Variants in TRIQK observed in about 807,000 individuals in gnomAD.
The protein encoded by TRIQK is triple QxxK/R motif-containing protein.
In TRIQK, 10 loss-of-function variants were observed where a neutral mutation model predicts 10.8. That is an observed-to-expected ratio of 0.92 (90% CI 0.57 to 1.57). The LOEUF is 1.57. Ranked by LOEUF, TRIQK falls within the 40% of genes most tolerant of loss-of-function variation. TRIQK has a pLI of 0.00. For missense variants in TRIQK, 107 were observed against 97.7 expected (o/e 1.09, Z -0.40); for synonymous variants, 33 against 33.7 (o/e 0.98, Z 0.07).
At chr8:92,986,076 A>G (rs1586522959) in intron 1 of TRIQK, among the ~76,000 whole-genome samples, 1 of 152,152 alleles carries the variant, frequency 6.6e-6, no homozygotes, top group African/African-American at 2.4e-5. Flanking sequence ...AATCACAGGG[A>G]GGCACCAGTT....
chr8:92,988,134 C>A (rs1286222165), intron 1 of TRIQK, among the ~76,000 whole-genome samples: 2 of 150,978 alleles, frequency 1.3e-5, no homozygotes, highest in East Asian at 3.9e-4. Context: ...CCTCAGCCTC[C>A]TGAGTAGCTG....
At position 92,971,809 on chromosome 8, in the gene TRIQK, T is replaced by A. The variant is rs146160752; in HGVS notation, c.-180-17245A>T. 3.1e-3 allele frequency among the ~76,000 whole-genome samples: 477 copies of A among 152,306 alleles called. 3 individuals carry two copies. Among genetic ancestry groups the A allele is most frequent in the African/African-American group, 0.011 (459 of 41,578 alleles). ...TTAGAGAAAACTACTGTAAAGTTTA[T>A]ATGGAACCAAAAAAGAGCTCATATA... On this transcript the variant is annotated intron_variant, in intron 1 of 4. Transcript: ENST00000520686.
intron 1 of TRIQK, among the ~76,000 whole-genome samples, chr8:93,001,844 C>T (rs1190695828): frequency 6.6e-6 from 1 of 152,170 alleles, no homozygotes; most frequent in Non-Finnish European, 1.5e-5. Flanking sequence ...TTCTTCTCAA[C>T]TACTTATGGG....
In TRIQK at chr8:92,886,034, C is replaced by T. The variant is rs564597365; in HGVS notation, c.*588G>A. 1 of 151,784 alleles carries T rather than the reference C, an allele frequency of 6.6e-6. No homozygotes were observed. Among genetic ancestry groups the T allele is most frequent in the South Asian group, 2.1e-4 (1 of 4,826 alleles). 9.4% of individuals were successfully genotyped at this position (151,784 alleles called of 1,614,324 possible). ...TTAGAGACATATGTGACTCTTTGAG[C>T]TTCTGTCATCCAGGTGCCATTTCTG... On this transcript the variant is annotated 3_prime_UTR_variant, in exon 5 of 5. Coordinates refer to ENST00000521988, the MANE Select transcript of TRIQK (RefSeq NM_001171797.2).
At chr8:92,936,319 CATTAG>C (rs1810986143) in intron 2 of TRIQK, among the ~76,000 whole-genome samples, 1 of 151,572 alleles carries the variant, frequency 6.6e-6, no homozygotes, top group Admixed American at 6.6e-5. Context: ...GGCAATTTAA[CATTAG>C]ATATTATCTT....
At chr8:93,016,201 C>T (rs1478244576) in intron 1 of TRIQK, among the ~76,000 whole-genome samples, 1 of 152,102 alleles carries the variant, frequency 6.6e-6, no homozygotes, top group Non-Finnish European at 1.5e-5. Context: ...AGAGTAGTGT[C>T]ATCACAATAA....
At chr8:92,906,966 C>CTGGAGGATATA (rs1383043095) in intron 3 of TRIQK, among the ~76,000 whole-genome samples, 1 of 151,870 alleles carries the variant, frequency 6.6e-6, no homozygotes, top group Non-Finnish European at 1.5e-5. Flanking sequence ...GTTTGGGTAG[C>CTGGAGGATATA]TGTGGAGGAT....
chr8:92,991,389 G>C (rs1415620421), intron 1 of TRIQK, among the ~76,000 whole-genome samples: 2 of 152,218 alleles, frequency 1.3e-5, no homozygotes, highest in African/African-American at 4.8e-5. Flanking sequence ...TCCCAGTACA[G>C]TGCTTGAGCT....
intron 2 of TRIQK, among the ~76,000 whole-genome samples, chr8:92,951,231 A>C (rs1811886531): frequency 1.3e-5 from 2 of 152,110 alleles, no homozygotes; most frequent in South Asian, 4.1e-4. Flanking sequence ...TTACTAAAAA[A>C]ATCTATGATC....
chr8:92,963,247 C>T (rs1381092881), intron 1 of TRIQK, among the ~76,000 whole-genome samples: 2 of 152,228 alleles, frequency 1.3e-5, no homozygotes, highest in South Asian at 2.1e-4. Context: ...AGCTCTTTAC[C>T]TCTTCAAGTT....
intron 1 of TRIQK, among the ~76,000 whole-genome samples, chr8:92,980,574 C>T (rs1812976930): frequency 6.6e-6 from 1 of 152,022 alleles, no homozygotes; most frequent in African/African-American, 2.4e-5. Context: ...GGTGCTGCTT[C>T]AGTTTCTTCT....
At chr8:92,985,123 A>G (rs1475770966) in intron 1 of TRIQK, among the ~76,000 whole-genome samples, 1 of 148,130 alleles carries the variant, frequency 6.8e-6, no homozygotes, top group Non-Finnish European at 1.5e-5. Flanking sequence ...TTCAAAGTCA[A>G]ATGACACTGT....
intron 1 of TRIQK, among the ~76,000 whole-genome samples, chr8:92,964,031 T>C (rs1239796164): frequency 6.6e-6 from 1 of 152,178 alleles, no homozygotes; most frequent in Non-Finnish European, 1.5e-5. Flanking sequence ...TTACATGGTT[T>C]TGTAAGATAG....
chr8:92,980,873 A>AT (rs1463670050), intron 1 of TRIQK, among the ~76,000 whole-genome samples: 2 of 150,816 alleles, frequency 1.3e-5, no homozygotes, highest in African/African-American at 2.4e-5. Flanking sequence ...CTTTAGAAAT[A>AT]TTTTTGCCAT....
intron 1 of TRIQK, among the ~76,000 whole-genome samples, chr8:92,981,245 GGCT>G (rs1812983105): frequency 6.6e-6 from 1 of 151,374 alleles, no homozygotes; most frequent in Non-Finnish European, 1.5e-5. Flanking sequence ...TGTTTTCGGT[GGCT>G]TTTTTGAGGT....
intron 2 of TRIQK, among the ~76,000 whole-genome samples, chr8:92,920,870 AC>A (rs754383608): frequency 9.7e-4 from 147 of 151,922 alleles, no homozygotes; most frequent in Middle Eastern, 6.8e-3. Flanking sequence ...ATACAGCAGT[AC>A]CCAAGGAAGG....
chr8:92,923,581 G>A (rs1810291774), intron 2 of TRIQK, among the ~76,000 whole-genome samples: 1 of 151,822 alleles, frequency 6.6e-6, no homozygotes, highest in Admixed American at 6.6e-5. Flanking sequence ...CATCACAGAA[G>A]TTTCCAACAT....
intron 1 of TRIQK, among the ~76,000 whole-genome samples, chr8:93,011,760 C>T (rs1813338565): frequency 6.6e-6 from 1 of 152,128 alleles, no homozygotes; most frequent in Non-Finnish European, 1.5e-5. Flanking sequence ...GACCATAAAA[C>T]TATGAACTGG....
intron 1 of TRIQK, among the ~76,000 whole-genome samples, chr8:92,989,334 C>T (rs1046671161): frequency 3.9e-5 from 6 of 152,068 alleles, no homozygotes; most frequent in South Asian, 2.1e-4. Context: ...AGTACCAGTC[C>T]GTGATCTTTT....
Sources: gnomAD v4.1 joint callset for allele counts (sites outside exome capture counted in the v4.1 genomes callset) on GRCh38, gnomAD v4.1.1 for gene constraint, MANE v1.5 for transcripts, NCBI Gene and HGNC (gene_info 2026-07-23, HGNC 2026-07-21) for gene names.